The following OPCML variants were observed in gnomAD, a reference collection of about 807,000 sequenced individuals.
The protein encoded by OPCML is opioid binding protein/cell adhesion molecule like, also known as opioid-binding protein/cell adhesion molecule.
OPCML carries 13 observed loss-of-function variants against 37.8 expected under a neutral mutation model. The ratio of observed to expected loss-of-function variants is 0.34; its 90% CI spans 0.22 to 0.55. OPCML has a LOEUF of 0.55. Ranked by LOEUF, OPCML falls within the 20% of genes least tolerant of loss-of-function variation. The pLI is 0.91. For missense variants in OPCML, 341 were observed against 435.6 expected (o/e 0.78, Z 1.93); for synonymous variants, 176 against 168.8 (o/e 1.04, Z -0.33).
chr11:133,112,383 A>C (rs938686380), intron 1 of OPCML, among the ~76,000 whole-genome samples: 2 of 151,226 alleles, frequency 1.3e-5, no homozygotes, highest in Admixed American at 1.3e-4. Flanking sequence ...ATAAACGTTG[A>C]TACTAAAAAT....
At chr11:133,372,800 C>T (rs1944701859) in intron 1 of OPCML, among the ~76,000 whole-genome samples, 1 of 152,212 alleles carries the variant, frequency 6.6e-6, no homozygotes, top group African/African-American at 2.4e-5. Flanking sequence ...GCCCTTCTGA[C>T]ATATTAGCAA....
intron 1 of OPCML, among the ~76,000 whole-genome samples, chr11:133,480,438 C>T (rs563793096): frequency 6.6e-6 from 1 of 152,308 alleles, no homozygotes; most frequent in Non-Finnish European, 1.5e-5. Context: ...AGTGTGTGCT[C>T]GTCCCATCCT....
At chr11:132,917,732 C>T (rs984730926) in intron 2 of OPCML, among the ~76,000 whole-genome samples, 13 of 152,190 alleles carry the variant, frequency 8.5e-5, no homozygotes, top group Non-Finnish European at 1.8e-4. Context: ...CTGGGGAACG[C>T]TCTGATTTCC....
intron 2 of OPCML, among the ~76,000 whole-genome samples, chr11:132,659,680 A>G (rs995927631): frequency 3.2e-4 from 48 of 152,050 alleles, no homozygotes; most frequent in African/African-American, 1.1e-3. Flanking sequence ...TCACATTTAA[A>G]AATTTTTTTA....
At position 133,211,725 on chromosome 11, in the gene OPCML, A is replaced by G. The variant is rs1939368144; in HGVS notation, c.62-268715T>C. On this transcript the variant is annotated intron_variant, in intron 1 of 7. Transcript: ENST00000524381. This position sits in a 1 kb window ranked among gnomAD's most constrained non-coding sequence, Gnocchi z 4.1. ...CAACACAGACTGTGTGGACTAAATC[A>G]TCGTGAGCATCATCATTTATTATAC... 6.6e-6 allele frequency among the ~76,000 whole-genome samples: 1 copy of G among 152,220 alleles called. No individual in the cohort carries two copies. The highest frequency in any genetic ancestry group is 2.4e-5 in the African/African-American group (1 of 41,450).
At position 133,140,654 on chromosome 11, in the gene OPCML, G is replaced by A. The variant is rs117362325; in HGVS notation, c.62-197644C>T. Among the ~76,000 whole-genome samples the A allele has an allele frequency of 3.9e-3, 351 of 89,690 alleles. 1 individual carries two copies. The highest frequency in any genetic ancestry group is 9.4e-3 in the African/African-American group (242 of 25,838). 58.8% of individuals were successfully genotyped at this position (89,690 alleles called of 152,430 possible). On this transcript the variant is annotated intron_variant, in intron 1 of 7. Coordinates refer to ENST00000524381, the MANE Select transcript of OPCML (RefSeq NM_001012393.5). ...AGGAGGAAGAGGAGGAAGAGGAAGA[G>A]GAAGAAAAGAAGAAAAGAAGAAAGA...
At chr11:132,645,718 A>G (rs1476932169) in intron 3 of OPCML, among the ~76,000 whole-genome samples, 1 of 152,366 alleles carries the variant, frequency 6.6e-6, no homozygotes, top group East Asian at 1.9e-4. Flanking sequence ...ATTGTGCAAT[A>G]TGATAGCTAC....
intron 1 of OPCML, among the ~76,000 whole-genome samples, chr11:133,035,681 A>T (rs1947765853): frequency 6.6e-6 from 1 of 152,148 alleles, no homozygotes; most frequent in Admixed American, 6.5e-5. Flanking sequence ...TTAGTACCTA[A>T]GAATGTAACT....
At chr11:133,079,232 G>T (rs1046894555) in intron 1 of OPCML, among the ~76,000 whole-genome samples, 8 of 152,138 alleles carry the variant, frequency 5.3e-5, no homozygotes, top group Non-Finnish European at 8.8e-5. Context: ...AACGAGAGGC[G>T]TATTTCAACT....
At chr11:132,645,333 C>T (rs561758346) in intron 3 of OPCML, among the ~76,000 whole-genome samples, 4 of 152,216 alleles carry the variant, frequency 2.6e-5, no homozygotes, top group East Asian at 3.8e-4. Flanking sequence ...ATATCTCCCC[C>T]ACTAAGCTGC....
At chr11:132,771,488 G>C (rs1227729752) in intron 2 of OPCML, 2 of 152,194 alleles carry the variant, frequency 1.3e-5, no homozygotes, top group East Asian at 1.9e-4. Context: ...GAATAGGTGA[G>C]AATGCAAGAC....
intron 2 of OPCML, among the ~76,000 whole-genome samples, chr11:132,883,219 C>A (rs1425095599): frequency 2.0e-5 from 3 of 151,838 alleles, no homozygotes; most frequent in African/African-American, 7.3e-5. Context: ...AAATAGAGAC[C>A]AAGGTGCCTA....
intron 1 of OPCML, among the ~76,000 whole-genome samples, chr11:133,141,986 A>T (rs938061302): frequency 6.6e-6 from 1 of 152,150 alleles, no homozygotes; most frequent in Admixed American, 6.6e-5. Flanking sequence ...TTAGGGCATG[A>T]GTTTGCTGGG....
intron 3 of OPCML, among the ~76,000 whole-genome samples, chr11:132,554,138 G>A (rs188963862): frequency 6.6e-5 from 10 of 152,156 alleles, no homozygotes; most frequent in Middle Eastern, 3.2e-3. Flanking sequence ...TAAACGTGAG[G>A]ATGAGACTGC....
intron 3 of OPCML, among the ~76,000 whole-genome samples, chr11:132,565,051 TA>T (rs2096419245): frequency 1.3e-5 from 2 of 152,308 alleles, no homozygotes; most frequent in Admixed American, 6.5e-5. Context: ...TTAAGAACTG[TA>T]AAAGCCTTCT....
At position 132,420,090 on chromosome 11, in the gene OPCML, GA is replaced by G. The variant is rs915336484; in HGVS notation, c.*102del. 7 of 805,574 alleles carry G rather than the reference GA, an allele frequency of 8.7e-6. No homozygotes were observed. The African/African-American group carries it at 1.1e-4, about 13-fold the overall frequency. 49.9% of individuals were successfully genotyped at this position (805,574 alleles called of 1,614,324 possible). On this transcript the variant is annotated 3_prime_UTR_variant, in exon 8 of 8. Coordinates refer to ENST00000524381, the MANE Select transcript of OPCML (RefSeq NM_001012393.5). ...AAAAGAAAACAAATCTAGAATAACA[GA>G]AAAAAACAAAAAGAAGCCCAAGCTG...
intron 1 of OPCML, among the ~76,000 whole-genome samples, chr11:132,963,876 G>T (rs1946151663): frequency 6.6e-6 from 1 of 152,102 alleles, no homozygotes; most frequent in South Asian, 2.1e-4. Flanking sequence ...GGGCACCTAA[G>T]ATTTCAGGGC....
chr11:133,293,045 G>A (rs1942523260), intron 1 of OPCML, among the ~76,000 whole-genome samples: 1 of 152,198 alleles, frequency 6.6e-6, no homozygotes, highest in African/African-American at 2.4e-5. Context: ...TCTGAGAATG[G>A]AGATATGCAG....
chr11:133,136,418 A>G (rs1382337144), intron 1 of OPCML, among the ~76,000 whole-genome samples: 1 of 152,188 alleles, frequency 6.6e-6, no homozygotes, highest in Non-Finnish European at 1.5e-5. Flanking sequence ...CAAGCACTGC[A>G]GAGACAGACT....
Sources: allele counts gnomAD v4.1 joint callset (sites outside exome capture counted in the v4.1 genomes callset), GRCh38; gene constraint gnomAD v4.1.1; non-coding constraint Gnocchi (gnomAD v3.1); transcripts MANE v1.5; gene names NCBI Gene and HGNC (gene_info 2026-07-23, HGNC 2026-07-21).